MADCAM1: variants seen among roughly 807,000 people sequenced by gnomAD.
The protein encoded by MADCAM1 is mucosal vascular addressin cell adhesion molecule 1.
In MADCAM1, 19 loss-of-function variants were observed where a neutral mutation model predicts 26.1. The observed-to-expected ratio is 0.73, with a 90% CI of 0.51 to 1.07. The LOEUF is 1.07. MADCAM1 is among the 50% of genes least tolerant of loss of function. The pLI is 0.00. For missense variants in MADCAM1, 514 were observed against 542.1 expected (o/e 0.95, Z 0.51); for synonymous variants, 268 against 260.9 (o/e 1.03, Z -0.26).
At chr19:503,558 G>C (rs1978462142) in intron 4 of MADCAM1, among the ~76,000 whole-genome samples, 1 of 132,240 alleles carries the variant, frequency 7.6e-6, no homozygotes, top group Non-Finnish European at 1.5e-5. Flanking sequence ...TCCAACCTGG[G>C]AGACAGCAAG....
intron 3 of MADCAM1, among the ~76,000 whole-genome samples, chr19:500,943 ATGGGAGG>A (rs1175264783): frequency 4.9e-4 from 75 of 151,752 alleles, no homozygotes; most frequent in African/African-American, 1.8e-3. Context: ...TAGGCCAGCC[ATGGGAGG>A]CTGAGGCGGG....
rs62130833 is a variant in MADCAM1, at chr19:501,725, G to A, written c.724G>A (p.Asp242Asn). 60,633 of 1,058,516 alleles carry A rather than the reference G, an allele frequency of 0.057. 61 individuals carry two copies. The highest frequency in any genetic ancestry group is 0.068 in the Non-Finnish European group (50,668 of 750,242). The allele number at this position is 1,058,516 out of a possible 1,614,324, so 65.6% of individuals were successfully genotyped here. The part of the protein sequence containing the change: ...PPDTTSPESP[D>N]TTSPESPDTT... The stretch of plus-strand genomic sequence containing the variant: ...CGACACCACCTCCCCGGAGTCTCCC[G>A]ACACCACCTCCCCGGAGTCTCCCGA... Residue 242 changes from aspartate (D) to asparagine (N), a missense_variant, in exon 4 of 5, where the codon GAC becomes AAC. Coordinates refer to ENST00000215637, the MANE Select transcript of MADCAM1 (RefSeq NM_130760.3).
chr19:503,517 C>T (rs1333409230), intron 4 of MADCAM1, among the ~76,000 whole-genome samples: 1 of 147,582 alleles, frequency 6.8e-6, no homozygotes, highest in Non-Finnish European at 1.5e-5. Context: ...GGAGGCGGAG[C>T]CTGCAGTGAG....
chr19:504,444 G>C (rs2145825947), intron 4 of MADCAM1, among the ~76,000 whole-genome samples: 1 of 152,012 alleles, frequency 6.6e-6, no homozygotes, highest in Non-Finnish European at 1.5e-5. Context: ...TGTATTTTTA[G>C]TAGGCACAGG....
intron 3 of MADCAM1, chr19:500,270 G>A (rs1321731422): frequency 2.3e-6 from 1 of 430,920 alleles, no homozygotes; most frequent in Non-Finnish European, 4.7e-6. Context: ...GAGGCACGTG[G>A]AGATTAAGGA....
rs560589695 is a variant in MADCAM1 at position 499,375 on chromosome 19, C to T, written c.667+550C>T. On this transcript the variant is annotated intron_variant, in intron 3 of 4. Transcript: ENST00000215637. ...CCCGTTTAAAGGGTCAACCCCTGAT[C>T]CCCAACGTGTACAAACATAGGCACA... 2.0e-5 allele frequency: 9 copies of T among 456,484 alleles called. No individual in the cohort carries two copies. In the East Asian group the frequency reaches 6.2e-4, roughly 32 times the overall value. The allele number at this position is 456,484 out of a possible 1,614,324, so 28.3% of individuals were successfully genotyped here. A position where few individuals can be genotyped will look rare whatever the true frequency, so the allele number is the denominator to read the frequency against.
At position 496,915 on chromosome 19, in the gene MADCAM1, C is replaced by T. The variant is rs1322529679; in HGVS notation, c.52+364C>T. Among the ~76,000 whole-genome samples the T allele has an allele frequency of 1.4e-3, 8 of 5,588 alleles. No individual in the cohort carries two copies. In the East Asian group the frequency reaches 0.018, roughly 12 times the overall value. The allele number at this position is 5,588 out of a possible 152,430, so 3.7% of individuals were successfully genotyped here. On this transcript the variant is annotated intron_variant, in intron 1 of 4. Coordinates refer to ENST00000215637, the MANE Select transcript of MADCAM1 (RefSeq NM_130760.3). Reference sequence around the variant, plus strand: ...AGGGGGCGCGGGAGAGAGGAGGGGGCGCGGGAGAGGGGAGGGGGCTCGGGG... The same window carrying T: ...AGGGGGCGCGGGAGAGAGGAGGGGGTGCGGGAGAGGGGAGGGGGCTCGGGG...
In MADCAM1 at chr19:504,953, C is replaced by T; in HGVS notation, c.1137C>T (p.Ile379=). The T allele has an allele frequency of 6.3e-7, 1 of 1,594,370 alleles. No individual in the cohort carries two copies. Among genetic ancestry groups the T allele is most frequent in the East Asian group, 2.3e-5 (1 of 44,320 alleles). ...AGLRGTGQVG[I]SPS ...TAAGGGGGACCGGCCAGGTCGGGAT[C>T]AGCCCCTCCTGAGTGGCCAGCCTTT... Residue 379 remains isoleucine, a synonymous_variant, in exon 5 of 5, where the codon ATC becomes ATT. Transcript: ENST00000215637.
chr19:498,722 C>A lies in MADCAM1; in HGVS notation c.564C>A (p.Arg188=). Reference sequence around the variant, plus strand: ...ACGTGCTGTTCAGGGTGACAGAGCGCTGGCGGCTGCCGCCCCTGGGGACCC... The same window carrying A: ...ACGTGCTGTTCAGGGTGACAGAGCGATGGCGGCTGCCGCCCCTGGGGACCC... ...DEDVLFRVTE[R]WRLPPLGTPV... The change falls in exon 3 of 5, where the codon CGC becomes CGA. Residue 188 remains arginine (R), a synonymous_variant. Coordinates refer to ENST00000215637, the MANE Select transcript of MADCAM1 (RefSeq NM_130760.3). The A allele has an allele frequency of 1.4e-6, 2 of 1,457,196 alleles. No individual in the cohort carries two copies. The highest frequency in any genetic ancestry group is 3.0e-5 in the Admixed American group (1 of 33,566). 90.3% of individuals were successfully genotyped at this position (1,457,196 alleles called of 1,614,324 possible). A position where few individuals can be genotyped will look rare whatever the true frequency, so the allele number is the denominator to read the frequency against.
chr19:503,453 C>T (rs1429392751), intron 4 of MADCAM1, among the ~76,000 whole-genome samples: 2 of 148,346 alleles, frequency 1.3e-5, no homozygotes, highest in Non-Finnish European at 3.0e-5. Flanking sequence ...TGGCAGCGGG[C>T]GCCTGTAGTC....
intron 4 of MADCAM1, among the ~76,000 whole-genome samples, chr19:503,729 G>A (rs946141266): frequency 6.6e-6 from 1 of 151,842 alleles, no homozygotes; most frequent in South Asian, 2.1e-4. Flanking sequence ...TCACACCTGG[G>A]TGACAGAGCA....
intron 4 of MADCAM1, among the ~76,000 whole-genome samples, chr19:502,544 T>TGCCC (rs1264604635): frequency 1.3e-5 from 2 of 152,052 alleles, no homozygotes; most frequent in African/African-American, 2.4e-5. Flanking sequence ...TGAGGTGATC[T>TGCCC]GCCCGCCTCG....
In MADCAM1 at chr19:504,983, C is replaced by T; in HGVS notation, c.*18C>T. The T allele has an allele frequency of 6.4e-7, 1 of 1,559,774 alleles. No individual in the cohort carries two copies. Among genetic ancestry groups the T allele is most frequent in the Non-Finnish European group, 8.7e-7 (1 of 1,144,808 alleles). Reference sequence around the variant, plus strand: ...CCTCCTGAGTGGCCAGCCTTTCCCCCTGTGAAAGCAAAATAGCTTGGACCC... The same window carrying T: ...CCTCCTGAGTGGCCAGCCTTTCCCCTTGTGAAAGCAAAATAGCTTGGACCC... On this transcript the variant is annotated 3_prime_UTR_variant, in exon 5 of 5. Transcript: ENST00000215637.
Position 505,163 on chromosome 19 carries a change from C to T in MADCAM1, c.*198C>T. ...CACTGTTTGTCTCACCTACCCATGA[C>T]CTGAAGCCCCTCCCTGAGTGGTCCC... On this transcript the variant is annotated 3_prime_UTR_variant, in exon 5 of 5. Coordinates refer to ENST00000215637, the MANE Select transcript of MADCAM1 (RefSeq NM_130760.3). 2.0e-6 allele frequency: 1 copy of T among 507,132 alleles called. No homozygotes were observed. The highest frequency in any genetic ancestry group is 3.5e-6 in the Non-Finnish European group (1 of 286,106). 31.4% of individuals were successfully genotyped at this position (507,132 alleles called of 1,614,324 possible).
chr19:503,708 G>A (rs1252347553), intron 4 of MADCAM1, among the ~76,000 whole-genome samples: 1 of 151,950 alleles, frequency 6.6e-6, no homozygotes, highest in Admixed American at 6.6e-5. Flanking sequence ...TGAGGCTGCA[G>A]TGAGCTGAGA....
At chr19:502,333 G>A (rs888246535) in intron 4 of MADCAM1, among the ~76,000 whole-genome samples, 2 of 151,260 alleles carry the variant, frequency 1.3e-5, no homozygotes, top group African/African-American at 2.4e-5. Flanking sequence ...ACAGAGTCTC[G>A]CTCTGTCCCC....
chr19:499,579 C>G (rs1288123755), intron 3 of MADCAM1, among the ~76,000 whole-genome samples: 2 of 152,250 alleles, frequency 1.3e-5, no homozygotes, highest in Non-Finnish European at 2.9e-5. Flanking sequence ...TGTGAGCCCC[C>G]TTTCCCTTCT....
chr19:500,182 C>T (rs1377280519), intron 3 of MADCAM1: 2 of 456,234 alleles, frequency 4.4e-6, no homozygotes, highest in African/African-American at 4.0e-5. Flanking sequence ...CACAGCCCAT[C>T]ATAATAAACG....
chr19:503,936 T>A (rs1355609707), intron 4 of MADCAM1, among the ~76,000 whole-genome samples: 2 of 151,514 alleles, frequency 1.3e-5, no homozygotes, highest in African/African-American at 4.9e-5. Flanking sequence ...TAATCCCAGC[T>A]GAGGATTACT....
Sources: allele counts gnomAD v4.1 joint callset (sites outside exome capture counted in the v4.1 genomes callset), GRCh38; gene constraint gnomAD v4.1.1; transcripts MANE v1.5; gene names NCBI Gene and HGNC (gene_info 2026-07-23, HGNC 2026-07-21).